Variants in MTMR7 observed in about 807,000 individuals in gnomAD.
MTMR7 encodes the protein myotubularin related protein 7, also known as phosphatidylinositol-3-phosphate phosphatase MTMR7.
A neutral mutation model predicts 81.2 loss-of-function variants in MTMR7; 76 were observed. The ratio of observed to expected loss-of-function variants is 0.94; its 90% CI spans 0.78 to 1.13. The LOEUF is 1.13. Among genes scored for constraint, MTMR7 ranks in the 50% most tolerant of loss-of-function variants. The pLI, the probability that MTMR7 is intolerant of heterozygous loss-of-function variation, is 0.00. For missense variants in MTMR7, 1,044 were observed against 820.0 expected (o/e 1.27, Z -3.34); for synonymous variants, 372 against 289.8 (o/e 1.28, Z -2.88).
intron 1 of MTMR7, among the ~76,000 whole-genome samples, chr8:17,406,801 A>G (rs544372422): frequency 3.3e-5 from 5 of 152,348 alleles, no homozygotes; most frequent in African/African-American, 1.2e-4. Context: ...GAAATGAAGT[A>G]CTGATACATG....
chr8:17,327,523 C>A (rs1818747315), intron 7 of MTMR7, among the ~76,000 whole-genome samples: 1 of 152,048 alleles, frequency 6.6e-6, no homozygotes, highest in Admixed American at 6.5e-5. Context: ...CTCAAGTAAT[C>A]CTCAATGTCT....
chr8:17,407,952 T>C (rs977594399), intron 1 of MTMR7, among the ~76,000 whole-genome samples: 10 of 152,088 alleles, frequency 6.6e-5, no homozygotes, highest in African/African-American at 2.4e-4. Flanking sequence ...AACTTGAAAA[T>C]GAGATCACTA....
intron 4 of MTMR7, among the ~76,000 whole-genome samples, chr8:17,351,638 C>A (rs1163905268): frequency 1.3e-5 from 2 of 152,238 alleles, no homozygotes; most frequent in African/African-American, 4.8e-5. Flanking sequence ...GAGGCCTCCC[C>A]TCTATGAACA....
At chr8:17,351,287 C>A (rs1198787945) in intron 4 of MTMR7, among the ~76,000 whole-genome samples, 1 of 152,226 alleles carries the variant, frequency 6.6e-6, no homozygotes, top group African/African-American at 2.4e-5. Context: ...TTCAGACAGC[C>A]TCTTTGAAGA....
rs563799918 is a variant in MTMR7, at chr8:17,345,383, G to C, written c.597+3570C>G. ...AATCACATCCTCCTGTGGGAACCAA[G>C]GGTGACCCCACGCTCCTGATACTAC... On this transcript the variant is annotated intron_variant, in intron 5 of 13. Coordinates refer to ENST00000180173, the MANE Select transcript of MTMR7 (RefSeq NM_004686.5). Among the ~76,000 whole-genome samples, 131 of 152,326 alleles carry C rather than the reference G, an allele frequency of 8.6e-4. 1 individual carries two copies. The highest frequency in any genetic ancestry group is 1.3e-3 in the Non-Finnish European group (90 of 68,022).
chr8:17,374,251 C>T (rs1455792947), intron 1 of MTMR7, among the ~76,000 whole-genome samples: 2 of 152,272 alleles, frequency 1.3e-5, no homozygotes, highest in East Asian at 3.9e-4. Context: ...TTTGGGAAGC[C>T]GAGGCGAGTG....
intron 5 of MTMR7, among the ~76,000 whole-genome samples, chr8:17,347,332 A>G (rs1452721534): frequency 6.6e-6 from 1 of 152,236 alleles, no homozygotes; most frequent in Non-Finnish European, 1.5e-5. Context: ...AGCAATGAGT[A>G]TAACTAAAAA....
At chr8:17,396,126 TA>T (rs11344506) in intron 1 of MTMR7, among the ~76,000 whole-genome samples, 112,365 of 148,022 alleles carry the variant, frequency 0.76, 43,026 homozygotes, top group Middle Eastern at 0.84. Context: ...ATACGGTTTA[TA>T]AAAAAAAAAA....
chr8:17,369,639 TTC>T (rs1480259249), intron 3 of MTMR7, among the ~76,000 whole-genome samples: 1 of 142,516 alleles, frequency 7.0e-6, no homozygotes, highest in African/African-American at 2.5e-5. Context: ...ATTTCTTTTT[TTC>T]TTTTTTTTTT....
chr8:17,299,665 T>G lies in MTMR7; in HGVS notation c.*197A>C, dbSNP rs1489872515. 5 of 673,460 alleles carry G rather than the reference T, an allele frequency of 7.4e-6. No homozygotes were observed. The highest frequency in any genetic ancestry group is 7.3e-5 in the African/African-American group (4 of 55,168). 41.7% of individuals were successfully genotyped at this position (673,460 alleles called of 1,614,324 possible). A position where few individuals can be genotyped will look rare whatever the true frequency, so the allele number is the denominator to read the frequency against. ...AAATGGTGAATAATTTTCCTTATATTTGATAAATGAAATGACTACGTCCTC... is the reference window on the plus strand; with the variant it reads ...AAATGGTGAATAATTTTCCTTATATGTGATAAATGAAATGACTACGTCCTC... On this transcript the variant is annotated 3_prime_UTR_variant, in exon 14 of 14. Transcript: ENST00000180173.
intron 10 of MTMR7, among the ~76,000 whole-genome samples, chr8:17,306,407 G>C (rs1435132771): frequency 2.0e-5 from 3 of 152,016 alleles, no homozygotes; most frequent in South Asian, 4.1e-4. Flanking sequence ...AAAAATAGTG[G>C]TTTCCCAAGT....
At chr8:17,327,219 C>A (rs1645360145) in intron 7 of MTMR7, among the ~76,000 whole-genome samples, 2 of 152,110 alleles carry the variant, frequency 1.3e-5, no homozygotes, top group Admixed American at 1.3e-4. Flanking sequence ...ATTCGGCTTC[C>A]AATATTCTAC....
In MTMR7 at chr8:17,324,209, A is replaced by C. The variant is rs529941825; in HGVS notation, c.865+6941T>G. 1.5e-4 allele frequency among the ~76,000 whole-genome samples: 23 copies of C among 152,336 alleles called. No homozygotes were observed. The South Asian group carries it at 4.8e-3, about 32-fold the overall frequency. ...TTCTTTCAGAATAAATGAAGGAAGC[A>C]CTTGTCTATCCAATGCCTGGCATAT... On this transcript the variant is annotated intron_variant, in intron 7 of 13. Coordinates refer to ENST00000180173, the MANE Select transcript of MTMR7 (RefSeq NM_004686.5).
chr8:17,306,033 C>T (rs1817432262), intron 10 of MTMR7, 76 bp from the exon 11 acceptor site: 3 of 1,198,098 alleles, frequency 2.5e-6, no homozygotes, highest in Non-Finnish European at 3.5e-6. Flanking sequence ...CAAAAACAAC[C>T]ATAAAAGCAA....
chr8:17,353,729 T>G (rs1338130538), intron 4 of MTMR7, among the ~76,000 whole-genome samples: 1 of 152,226 alleles, frequency 6.6e-6, no homozygotes, highest in African/African-American at 2.4e-5. Flanking sequence ...TTAATGAAAG[T>G]GGATTAGTCA....
In MTMR7 at chr8:17,299,893, T is replaced by A. The variant is rs777837099; in HGVS notation, c.1952A>T (p.Asp651Val). 1.2e-6 allele frequency: 2 copies of A among 1,614,118 alleles called. No individual in the cohort carries two copies. Among genetic ancestry groups the A allele is most frequent in the Admixed American group, 3.3e-5 (2 of 60,014 alleles). Residue 651 changes from aspartate (D) to valine (V), a missense_variant, in exon 14 of 14, where the codon GAT becomes GTT. Physicochemically the swap from Asp to Val is radical, Grantham distance 152. Transcript: ENST00000180173. Reference protein sequence around the residue: ...APSEDSGKDRDSDEAVFLTA With the variant: ...APSEDSGKDRVSDEAVFLTA Reference sequence around the variant, plus strand: ...AGTGAGAAACACGGCTTCATCAGAATCCCGGTCCTTGCCACTATCTTCACT... The same window carrying A: ...AGTGAGAAACACGGCTTCATCAGAAACCCGGTCCTTGCCACTATCTTCACT...
At chr8:17,354,741 G>C (rs1159662130) in intron 4 of MTMR7, among the ~76,000 whole-genome samples, 1 of 152,184 alleles carries the variant, frequency 6.6e-6, no homozygotes, top group East Asian at 1.9e-4. Context: ...CGTTTTCTCA[G>C]CCATGGGGTC....
intron 4 of MTMR7, among the ~76,000 whole-genome samples, chr8:17,360,721 T>C (rs1005045321): frequency 1.1e-4 from 16 of 151,992 alleles, no homozygotes; most frequent in African/African-American, 2.7e-4. Flanking sequence ...AGTGAGTACA[T>C]AGAGGAGCCG....
chr8:17,311,774 G>GGGGGCCCTAAA, intron 8 of MTMR7, 138 bp from the exon 9 acceptor site: 1 of 1,363,974 alleles, frequency 7.3e-7, no homozygotes, highest in Non-Finnish European at 1.0e-6. Context: ...TCTGTTTAGG[G>GGGGGCCCTAAA]CCCCCCCTAA....
Sources: allele counts gnomAD v4.1 joint callset (sites outside exome capture counted in the v4.1 genomes callset), GRCh38; gene constraint gnomAD v4.1.1; transcripts MANE v1.5; gene names NCBI Gene and HGNC (gene_info 2026-07-23, HGNC 2026-07-21).